CTNNA2: variants seen among roughly 807,000 people sequenced by gnomAD.
CTNNA2 encodes the protein catenin alpha 2, also known as catenin alpha-2.
A neutral mutation model predicts 101.0 loss-of-function variants in CTNNA2; 42 were observed. The ratio of observed to expected loss-of-function variants is 0.42; its 90% CI spans 0.32 to 0.54. The LOEUF (loss-of-function observed/expected upper bound fraction) is 0.54, where lower values mean the gene tolerates loss of function less well. Ranked by LOEUF, CTNNA2 falls within the 20% of genes least tolerant of loss-of-function variation. The probability of loss-of-function intolerance (pLI) is 0.14; values close to 1 mark genes in which losing one functional copy is unlikely to be tolerated. For synonymous variants in CTNNA2, 450 were observed against 456.4 expected (o/e 0.99, Z 0.18); for missense variants, 871 against 1,223.1 (o/e 0.71, Z 4.29).
At chr2:80,352,784 T>C in intron 7 of CTNNA2, among the ~76,000 whole-genome samples, 1 of 152,110 alleles carries the variant, frequency 6.6e-6, no homozygotes, top group Admixed American at 6.6e-5. Context: ...GAGTTTATTA[T>C]AAGACAAATG....
chr2:79,827,379 T>A (rs2105406418), intron 3 of CTNNA2, among the ~76,000 whole-genome samples: 1 of 152,288 alleles, frequency 6.6e-6, no homozygotes, highest in South Asian at 2.1e-4. Flanking sequence ...AATATTTTGA[T>A]AAGCATAAGC....
At chr2:80,647,445 C>G in intron 18 of CTNNA2, 140 bp from the exon 19 acceptor site, 1 of 698,664 alleles carries the variant, frequency 1.4e-6, no homozygotes, top group East Asian at 2.7e-5. Context: ...AAAACCTTAA[C>G]TTGTGATAAT....
At chr2:79,704,289 C>T (rs1440231453) in intron 2 of CTNNA2, among the ~76,000 whole-genome samples, 1 of 152,156 alleles carries the variant, frequency 6.6e-6, no homozygotes. Flanking sequence ...AGACATGTGA[C>T]TTCTTTTCTT....
At chr2:79,599,827 T>G (rs1677435206) in intron 1 of CTNNA2, among the ~76,000 whole-genome samples, 1 of 152,234 alleles carries the variant, frequency 6.6e-6, no homozygotes, top group Non-Finnish European at 1.5e-5. Context: ...GTACTTTGAC[T>G]TCTTGAAACA....
intron 4 of CTNNA2, among the ~76,000 whole-genome samples, chr2:79,488,059 TAATCCCAGCACTTTGGGAGGCCCAGC>T (rs1671174127): frequency 6.6e-6 from 1 of 152,054 alleles, no homozygotes; most frequent in Non-Finnish European, 1.5e-5. Context: ...ACAGACAGTG[TAATCCCAGCACTTTGGGAGGCCCAGC>T]AATCCCAGCA....
intron 7 of CTNNA2, among the ~76,000 whole-genome samples, chr2:80,055,333 C>CT (rs2104351562): frequency 6.6e-6 from 1 of 152,220 alleles, no homozygotes; most frequent in Non-Finnish European, 1.5e-5. Context: ...TGTTCCATCT[C>CT]TAACAGCTTA....
rs557153301 is a variant in CTNNA2 at position 79,187,864 on chromosome 2, A to T, written c.-524+2433A>T. On this transcript the variant is annotated intron_variant, in intron 1 of 21. Transcript: ENST00000466387. The stretch of plus-strand genomic sequence containing the variant: ...ATTTTCTGTCAATACCATTGTTTAA[A>T]TATCAGGATATACATGAGTTATTAG... 2.4e-4 allele frequency among the ~76,000 whole-genome samples: 36 copies of T among 152,290 alleles called. No individual in the cohort carries two copies. In the East Asian group the frequency reaches 6.8e-3, roughly 29 times the overall value.
At chr2:79,223,315 C>A (rs1572987135) in intron 2 of CTNNA2, among the ~76,000 whole-genome samples, 2 of 152,156 alleles carry the variant, frequency 1.3e-5, no homozygotes, top group African/African-American at 4.8e-5. Flanking sequence ...TTCCAGCCTG[C>A]AAAATTGTGA....
intron 7 of CTNNA2, among the ~76,000 whole-genome samples, chr2:80,018,587 T>G (rs930948735): frequency 2.0e-5 from 3 of 152,060 alleles, no homozygotes; most frequent in South Asian, 2.1e-4. Flanking sequence ...CCATCCTGGC[T>G]AACACAGTGA....
chr2:80,594,039 G>A (rs938092464), intron 15 of CTNNA2, among the ~76,000 whole-genome samples: 1 of 152,012 alleles, frequency 6.6e-6, no homozygotes, highest in Non-Finnish European at 1.5e-5. Context: ...AATGTTTGAG[G>A]AATCACAATA....
chr2:80,333,644 T>C (rs184088909), intron 7 of CTNNA2, among the ~76,000 whole-genome samples: 1 of 149,822 alleles, frequency 6.7e-6, no homozygotes, highest in African/African-American at 2.5e-5. Flanking sequence ...CTGGGGGAGG[T>C]GGTGGGGGGG....
intron 7 of CTNNA2, among the ~76,000 whole-genome samples, chr2:79,950,403 C>A (rs1688798735): frequency 6.6e-6 from 1 of 152,128 alleles, no homozygotes; most frequent in Non-Finnish European, 1.5e-5. Flanking sequence ...AAATTTGCAT[C>A]ACTTAAAATC....
intron 17 of CTNNA2, chr2:80,618,570 C>G (rs1295476052): frequency 2.6e-5 from 4 of 151,848 alleles, no homozygotes; most frequent in Non-Finnish European, 4.4e-5. Context: ...TTCAGTGATC[C>G]CAATGAAAGA....
intron 7 of CTNNA2, among the ~76,000 whole-genome samples, chr2:80,110,690 C>CCAT (rs933777422): frequency 6.6e-6 from 1 of 152,146 alleles, no homozygotes; most frequent in African/African-American, 2.4e-5. Context: ...TCAGGACTTA[C>CCAT]CATCCAATCT....
chr2:80,140,245 T>C (rs1033256239), intron 7 of CTNNA2, among the ~76,000 whole-genome samples: 1 of 152,168 alleles, frequency 6.6e-6, no homozygotes, highest in African/African-American at 2.4e-5. Context: ...AGTGTGGAGG[T>C]GATACCAATT....
intron 2 of CTNNA2, among the ~76,000 whole-genome samples, chr2:79,265,719 T>C (rs1042760444): frequency 3.3e-5 from 5 of 152,182 alleles, no homozygotes; most frequent in Non-Finnish European, 5.9e-5. Context: ...GAAGGAAAAT[T>C]ATTTCAGAAG....
intron 3 of CTNNA2, 111 bp from the exon 4 acceptor site, chr2:79,857,902 G>T: frequency 8.7e-7 from 1 of 1,151,300 alleles, no homozygotes; most frequent in South Asian, 1.4e-5. Context: ...AATACCACCT[G>T]GTCATCAGAG....
chr2:79,590,482 G>C (rs1676774830), intron 1 of CTNNA2, among the ~76,000 whole-genome samples: 1 of 152,032 alleles, frequency 6.6e-6, no homozygotes, highest in African/African-American at 2.4e-5. Context: ...GTATTGATAT[G>C]GAGAACTTTG....
intron 3 of CTNNA2, among the ~76,000 whole-genome samples, chr2:79,848,995 C>A (rs572814963): frequency 6.6e-6 from 1 of 152,066 alleles, no homozygotes; most frequent in Non-Finnish European, 1.5e-5. Context: ...CACCTGACCA[C>A]GGCACTTGGG....
Sources: gnomAD v4.1 joint callset for allele counts (sites outside exome capture counted in the v4.1 genomes callset) on GRCh38, gnomAD v4.1.1 for gene constraint, MANE v1.5 for transcripts, NCBI Gene and HGNC (gene_info 2026-07-23, HGNC 2026-07-21) for gene names.